CAST: variants seen among roughly 807,000 people sequenced by gnomAD.
CAST encodes the protein calpastatin.
A neutral mutation model predicts 119.6 loss-of-function variants in CAST; 76 were observed. That is an observed-to-expected ratio of 0.64 (90% CI 0.53 to 0.77). The LOEUF is 0.77. CAST is among the 30% of genes least tolerant of loss of function. CAST has a pLI of 0.00. For missense variants in CAST, 953 were observed against 946.5 expected (o/e 1.01, Z -0.09); for synonymous variants, 319 against 331.6 (o/e 0.96, Z 0.41).
the CAST span, among the ~76,000 whole-genome samples, chr5:96,376,711 A>T: frequency 2.6e-3 from 393 of 152,322 alleles, 1 homozygote; most frequent in Non-Finnish European, 3.8e-3. Flanking sequence ...AAGTGCTGGG[A>T]CTGCAGAAGT....
the CAST span, among the ~76,000 whole-genome samples, chr5:96,452,640 TAAAAAAAAAA>T: frequency 4.7e-3 from 425 of 90,132 alleles, 3 homozygotes; most frequent in Non-Finnish European, 6.4e-3. Context: ...TAAAGTATAA[TAAAAAAAAAA>T]AAAAAAAAAA....
the CAST span, among the ~76,000 whole-genome samples, chr5:96,035,953 C>CTA: frequency 6.6e-6 from 1 of 151,920 alleles, no homozygotes; most frequent in Non-Finnish European, 1.5e-5. Context: ...CTCTCTTTGC[C>CTA]TACTCTGCAT....
the CAST span, among the ~76,000 whole-genome samples, chr5:96,107,869 C>T: frequency 1.8e-4 from 28 of 151,882 alleles, no homozygotes; most frequent in African/African-American, 6.3e-4. Flanking sequence ...ACCAATCAGA[C>T]GTAGATTTGG....
rs759675080 is a variant in CAST, at chr5:96,762,384, A to G, written c.1932+12A>G. ...CCCGTGATACCTCGGTAAGCAGCAC[A>G]TCTTATTTGGGAGATAAATGTTTTT... On this transcript the variant is annotated intron_variant, in intron 25 of 31. Coordinates refer to ENST00000675179, the MANE Select transcript of CAST (RefSeq NM_001750.7). The G allele has an allele frequency of 6.4e-7, 1 of 1,559,972 alleles. No individual in the cohort carries two copies. The highest frequency in any genetic ancestry group is 1.2e-5 in the South Asian group (1 of 82,602).
At chr5:96,420,135 C>A in the CAST span, among the ~76,000 whole-genome samples, 1 of 152,158 alleles carries the variant, frequency 6.6e-6, no homozygotes, top group Non-Finnish European at 1.5e-5. Context: ...ATTCCAAGTG[C>A]TTATTAGCCA....
At chr5:96,264,341 A>G in the CAST span, among the ~76,000 whole-genome samples, 2 of 152,356 alleles carry the variant, frequency 1.3e-5, no homozygotes, top group Middle Eastern at 6.8e-3. Context: ...CGTATTCTTT[A>G]TCACCATACT....
At chr5:96,140,925 C>A in the CAST span, among the ~76,000 whole-genome samples, 1 of 152,160 alleles carries the variant, frequency 6.6e-6, no homozygotes, top group Non-Finnish European at 1.5e-5. Flanking sequence ...TTTTATTCAC[C>A]ATTACACTGT....
chr5:96,392,826 C>G, the CAST span: 2 of 684,596 alleles, frequency 2.9e-6, no homozygotes, highest in Non-Finnish European at 5.1e-6. Flanking sequence ...GGAAGTTGAA[C>G]TTCCTGCTTG....
intron 3 of CAST, among the ~76,000 whole-genome samples, chr5:96,703,327 C>T (rs28104): frequency 0.097 from 14,744 of 152,142 alleles, 960 homozygotes; most frequent in East Asian, 0.31. Flanking sequence ...TAGATCTCCT[C>T]CTCCCCAGCC....
intron 12 of CAST, 133 bp downstream of exon 12, chr5:96,740,251 G>A (rs760317353): frequency 2.9e-5 from 17 of 594,608 alleles, no homozygotes; most frequent in South Asian, 4.5e-5. Context: ...TATGAAGCTC[G>A]CTGCATTGGT....
the CAST span, among the ~76,000 whole-genome samples, chr5:96,274,037 C>A: frequency 2.6e-5 from 4 of 151,918 alleles, no homozygotes; most frequent in Non-Finnish European, 5.9e-5. Flanking sequence ...CAAAAATAGA[C>A]CCTGCTTGGG....
Position 96,770,577 on chromosome 5 carries a change from G to C in CAST, c.2315G>C (p.Gly772Ala), listed in dbSNP as rs768708181. The C allele has an allele frequency of 1.2e-6, 2 of 1,612,756 alleles. No homozygotes were observed. The highest frequency in any genetic ancestry group is 3.3e-5 in the Admixed American group (2 of 59,972). ...AASSSKAPKN[G>A]GKAKDSAKTT... Reference sequence around the variant, plus strand: ...TCCAGCTCCAAAGCACCTAAGAATGGAGGTAAAGCGAAGGATTCAGCAAAG... The same window carrying C: ...TCCAGCTCCAAAGCACCTAAGAATGCAGGTAAAGCGAAGGATTCAGCAAAG... The change falls in exon 30 of 32, where the codon GGA becomes GCA. Residue 772 changes from glycine to alanine, a missense_variant. Coordinates refer to ENST00000675179, the MANE Select transcript of CAST (RefSeq NM_001750.7).
the CAST span, among the ~76,000 whole-genome samples, chr5:96,068,740 G>A: frequency 2.0e-5 from 3 of 150,998 alleles, no homozygotes; most frequent in East Asian, 2.0e-4. Context: ...CATAGTAAAT[G>A]TGTATGTAAA....
At chr5:96,662,208 C>G (rs919836203), upstream of CAST, 7 of 502,658 alleles carry the variant, frequency 1.4e-5, no homozygotes, top group Non-Finnish European at 2.3e-5. Flanking sequence ...GGGCAGGAGC[C>G]CGGGTCCCTC....
the CAST span, among the ~76,000 whole-genome samples, chr5:95,975,710 A>G: frequency 6.6e-6 from 1 of 152,172 alleles, no homozygotes; most frequent in Non-Finnish European, 1.5e-5. Context: ...TTCAATTAGA[A>G]GTTATTAGTT....
the CAST span, chr5:96,247,798 C>T: frequency 6.6e-6 from 1 of 152,188 alleles, no homozygotes; most frequent in East Asian, 1.9e-4. Flanking sequence ...AGAAAAGCAT[C>T]TACAGTGTTA....
At chr5:96,054,489 A>G in the CAST span, among the ~76,000 whole-genome samples, 6 of 152,232 alleles carry the variant, frequency 3.9e-5, 1 homozygote, top group African/African-American at 1.4e-4. Flanking sequence ...GGCATAGTCC[A>G]GAGATCAGCT....
At chr5:96,257,234 G>A in the CAST span, among the ~76,000 whole-genome samples, 3 of 152,084 alleles carry the variant, frequency 2.0e-5, no homozygotes, top group African/African-American at 7.2e-5. Flanking sequence ...AGGTTCCTGG[G>A]CTCCTGTTAA....
the CAST span, among the ~76,000 whole-genome samples, chr5:96,291,866 G>A: frequency 5.3e-5 from 8 of 151,458 alleles, no homozygotes; most frequent in Admixed American, 2.6e-4. Flanking sequence ...GTGTGTGTGT[G>A]TGTGTGTGTG....
Sources: allele counts gnomAD v4.1 joint callset (sites outside exome capture counted in the v4.1 genomes callset), GRCh38; gene constraint gnomAD v4.1.1; transcripts MANE v1.5; gene names NCBI Gene and HGNC (gene_info 2026-07-23, HGNC 2026-07-21).